The following NBPF12 variants were observed in gnomAD, a reference collection of about 807,000 sequenced individuals.
NBPF12 encodes NBPF member 12, also known as NBPF family member NBPF12.
A neutral mutation model predicts 146.4 loss-of-function variants in NBPF12; 115 were observed. The ratio of observed to expected loss-of-function variants is 0.79; its 90% confidence interval spans 0.68 to 0.92. The LOEUF (loss-of-function observed/expected upper bound fraction) is 0.92. Ranked by LOEUF, NBPF12 falls within the 40% of genes least tolerant of loss-of-function variation. The pLI is 0.00. For missense variants in NBPF12, 1,205 were observed against 1,326.8 expected (o/e 0.91, Z 1.43); for synonymous variants, 385 against 508.9 (o/e 0.76, Z 3.28).
chr1:146,943,441 TC>T lies in NBPF12; in HGVS notation c.-668del. 1.7e-6 allele frequency: 1 copy of T among 575,544 alleles called. No homozygotes were observed. The highest frequency in any genetic ancestry group is 2.8e-5 in the South Asian group (1 of 35,482). The allele number at this position is 575,544 out of a possible 1,614,324, so 35.7% of individuals were successfully genotyped here. On this transcript the variant is annotated 5_prime_UTR_variant, in exon 2 of 36. An upstream open reading frame in the 5' UTR loses its in-frame stop. Coordinates refer to the NBPF12 transcript ENST00000617931. ...CCTCCACACTGGGGGTGCCACCAAC[TC>T]CCACTGTCCAGGGCTTCTGGTGGAC...
chr1:146,965,063 C>A, exon 8 of NBPF12: 1 of 1,606,674 alleles, frequency 6.2e-7, no homozygotes, highest in South Asian at 1.1e-5. Context: ...GACAGAAAAT[C>A]CTCTCATGAT....
intron 10 of NBPF12, 38 bp downstream of exon 13, chr1:146,968,588 G>T (rs1376284884): frequency 1.9e-6 from 3 of 1,544,260 alleles, no homozygotes; most frequent in East Asian, 2.2e-5. Context: ...GGGGGCAGGT[G>T]TGTAAATCTC....
At chr1:146,964,995 T>C in exon 8 of NBPF12, 1 of 1,607,874 alleles carries the variant, frequency 6.2e-7, no homozygotes, top group South Asian at 1.1e-5. Flanking sequence ...CCATCCAGCC[T>C]CACAAGAACA....
exon 5 of NBPF12, chr1:146,962,216 C>T (rs1182531398): frequency 1.7e-5 from 28 of 1,608,130 alleles, no homozygotes; most frequent in Non-Finnish European, 2.2e-5. Flanking sequence ...AGCGACAGTT[C>T]AAGGAGGAGA....
At chr1:146,949,865 C>T (rs1342882295) in intron 1 of NBPF12, among the ~76,000 whole-genome samples, 1 of 151,906 alleles carries the variant, frequency 6.6e-6, no homozygotes, top group Non-Finnish European at 1.5e-5. Flanking sequence ...CAACCAATAA[C>T]AACTTATGGA....
intron 10 of NBPF12, among the ~76,000 whole-genome samples, chr1:146,968,952 G>C (rs1421702010): frequency 2.6e-5 from 4 of 151,382 alleles, no homozygotes; most frequent in Admixed American, 2.0e-4. Context: ...TCTCGACCCT[G>C]TCATTCTTTT....
rs1213413072 is a variant in NBPF12, at chr1:146,966,902, A to G, written c.988+229A>G. On this transcript the variant is annotated intron_variant, in intron 9 of 33. Coordinates refer to ENST00000617844, the Ensembl canonical transcript of NBPF12. ...GGGGTGGGACTAGAGTTAAACTGCC[A>G]TTTATTGATTTCTGACACCGGCACA... Among the ~76,000 whole-genome samples the G allele has an allele frequency of 1.7e-3, 254 of 150,376 alleles. 1 individual carries two copies. In the East Asian group the frequency reaches 0.03, roughly 18 times the overall value.
At chr1:146,983,279 C>T (rs1657504309) in intron 20 of NBPF12, 188 bp downstream of exon 23, 2 of 616,156 alleles carry the variant, frequency 3.2e-6, no homozygotes, top group Non-Finnish European at 5.1e-6. Context: ...GGTCAGTGAG[C>T]TCTGCTCTCT....
At chr1:146,940,652 A>C (rs2101803360) in intron 1 of NBPF12, among the ~76,000 whole-genome samples, 1 of 152,088 alleles carries the variant, frequency 6.6e-6, no homozygotes, top group East Asian at 1.9e-4. Flanking sequence ...TATATGTAGA[A>C]GTGGCATTGT....
At chr1:146,945,030 TCCTC>T (rs1559515038), upstream of NBPF12, among the ~76,000 whole-genome samples, 3 of 38,266 alleles carry the variant, frequency 7.8e-5, no homozygotes, top group Non-Finnish European at 1.1e-4. Flanking sequence ...CTCCCTTCCT[TCCTC>T]CCTCCCTCCC....
At chr1:146,962,573 A>G (rs1167969982) in intron 5 of NBPF12, among the ~76,000 whole-genome samples, 2 of 151,638 alleles carry the variant, frequency 1.3e-5, no homozygotes, top group Non-Finnish European at 2.9e-5. Flanking sequence ...ATGGTGTGCT[A>G]TTGCCACCCC....
Position 146,994,434 on chromosome 1 carries a change from A to T in NBPF12, c.4233A>T (p.Ser1411=). 5 of 1,612,186 alleles carry T rather than the reference A, an allele frequency of 3.1e-6. No homozygotes were observed. In the East Asian group the frequency reaches 1.1e-4, roughly 36 times the overall value. Residue 1411 remains serine (S), a synonymous_variant, in exon 34 of 34, where the codon TCA becomes TCT. Transcript: ENST00000617844. Reference sequence around the variant, plus strand: ...CAATGTACTTTGAACTACCTGACTCATTCCAGCACTACAGAAGTGTGTTTT... The same window carrying T: ...CAATGTACTTTGAACTACCTGACTCTTTCCAGCACTACAGAAGTGTGTTTT...
intron 11 of NBPF12, among the ~76,000 whole-genome samples, chr1:146,970,353 TGGG>T (rs1187598563): frequency 3.3e-5 from 5 of 150,590 alleles, no homozygotes; most frequent in African/African-American, 1.2e-4. Flanking sequence ...TGTGGCAGGA[TGGG>T]GGAGACAGCT....
chr1:146,970,520 A>G (rs1656530561), intron 11 of NBPF12, 127 bp from the exon 15 acceptor site: 3 of 1,298,814 alleles, frequency 2.3e-6, no homozygotes, highest in East Asian at 4.7e-5. Flanking sequence ...TGTGAAAGAT[A>G]AAACATGAGA....
At chr1:146,969,868 G>T (rs1222866587) in intron 11 of NBPF12, among the ~76,000 whole-genome samples, 1 of 150,982 alleles carries the variant, frequency 6.6e-6, no homozygotes, top group Admixed American at 6.6e-5. Flanking sequence ...CAGGAAGGAG[G>T]CTGTGATGGG....
chr1:146,971,585 T>G (rs1656614598), intron 13 of NBPF12, among the ~76,000 whole-genome samples, 191 bp downstream of exon 16: 1 of 144,792 alleles, frequency 6.9e-6, no homozygotes. Flanking sequence ...AGTTCAGGAG[T>G]TGAAGACCAG....
chr1:146,951,207 C>T (rs1378073261), intron 1 of NBPF12, 141 bp from the exon 5 acceptor site: 207 of 611,932 alleles, frequency 3.4e-4, no homozygotes, highest in Non-Finnish European at 5.3e-4. Flanking sequence ...AATCCTGTGA[C>T]CAGTATGAGC....
At chr1:146,954,700 G>A (rs1553884199) in intron 2 of NBPF12, among the ~76,000 whole-genome samples, 121 of 149,452 alleles carry the variant, frequency 8.1e-4, no homozygotes, top group Non-Finnish European at 1.4e-3. Context: ...AAAGAATAAT[G>A]GTGAATGAAT....
At chr1:146,942,384 A>G (rs1465423562) in intron 1 of NBPF12, among the ~76,000 whole-genome samples, 9 of 151,514 alleles carry the variant, frequency 5.9e-5, no homozygotes, top group Non-Finnish European at 1.0e-4. Flanking sequence ...CATTATTGTT[A>G]TTATTTTTTT....
Sources: allele counts gnomAD v4.1 joint callset (sites outside exome capture counted in the v4.1 genomes callset), GRCh38; gene constraint gnomAD v4.1.1; transcripts MANE v1.5; gene names NCBI Gene and HGNC (gene_info 2026-07-23, HGNC 2026-07-21).